The following NCKAP5 variants were observed in gnomAD, a reference collection of about 807,000 sequenced individuals.
NCKAP5 encodes NCK associated protein 5, also known as nck-associated protein 5.
NCKAP5 carries 92 observed loss-of-function variants against 167.0 expected under a neutral mutation model. The ratio of observed to expected loss-of-function variants is 0.55; its 90% CI spans 0.47 to 0.66. The LOEUF is 0.66. Among genes scored for constraint, NCKAP5 ranks in the 30% least tolerant of loss-of-function variants. The pLI is 0.00. For synonymous variants in NCKAP5, 891 were observed against 877.4 expected (o/e 1.02, Z -0.27); for missense variants, 2,378 against 2,315.0 (o/e 1.03, Z -0.56).
At chr2:132,834,165 A>T (rs1002175539) in intron 11 of NCKAP5, among the ~76,000 whole-genome samples, 4 of 152,096 alleles carry the variant, frequency 2.6e-5, no homozygotes, top group African/African-American at 9.7e-5. Flanking sequence ...AACAGAGATA[A>T]TTTGACTTCC....
chr2:133,075,190 G>T (rs372476515), intron 6 of NCKAP5, among the ~76,000 whole-genome samples: 56 of 152,268 alleles, frequency 3.7e-4, no homozygotes, highest in African/African-American at 1.3e-3. Context: ...AAGCATGGAG[G>T]TCAGAATAGT....
chr2:132,910,684 T>C (rs1033474934), intron 8 of NCKAP5, among the ~76,000 whole-genome samples: 2 of 152,212 alleles, frequency 1.3e-5, no homozygotes, highest in African/African-American at 4.8e-5. Context: ...GAACACTTAG[T>C]TTGCTCCCAA....
chr2:133,099,048 A>G (rs571554680), intron 6 of NCKAP5, among the ~76,000 whole-genome samples: 2 of 152,216 alleles, frequency 1.3e-5, no homozygotes, highest in Non-Finnish European at 2.9e-5. Context: ...CATTCATGGA[A>G]AATGACTTAT....
At chr2:132,867,535 G>T (rs1350757785) in intron 10 of NCKAP5, among the ~76,000 whole-genome samples, 1 of 152,134 alleles carries the variant, frequency 6.6e-6, no homozygotes, top group African/African-American at 2.4e-5. Context: ...ATGTATGAAA[G>T]CTTTTGGAAG....
intron 10 of NCKAP5, among the ~76,000 whole-genome samples, chr2:132,861,941 G>C (rs1235896531): frequency 6.6e-6 from 1 of 152,216 alleles, no homozygotes; most frequent in South Asian, 2.1e-4. Flanking sequence ...CACATAGTAG[G>C]AGCTTAATAA....
At chr2:133,662,024 T>C in the NCKAP5 span, among the ~76,000 whole-genome samples, 32 of 152,182 alleles carry the variant, frequency 2.1e-4, no homozygotes, top group African/African-American at 7.0e-4. Context: ...ATTTTCTAGT[T>C]TGAGATCTTG....
intron 8 of NCKAP5, among the ~76,000 whole-genome samples, chr2:132,948,519 A>T (rs960868946): frequency 1.1e-4 from 17 of 152,140 alleles, no homozygotes; most frequent in Non-Finnish European, 2.2e-4. Context: ...GTTAGAGAAA[A>T]CAGAAATCGG....
intron 6 of NCKAP5, among the ~76,000 whole-genome samples, chr2:133,112,553 C>G (rs2081953019): frequency 6.6e-6 from 1 of 152,140 alleles, no homozygotes; most frequent in Admixed American, 6.6e-5. Context: ...CACACACACC[C>G]TCCAATGTCT....
At chr2:133,410,368 C>T (rs1688700173) in intron 3 of NCKAP5, among the ~76,000 whole-genome samples, 1 of 152,174 alleles carries the variant, frequency 6.6e-6, no homozygotes, top group African/African-American at 2.4e-5. Context: ...GTTTTCATAG[C>T]CCCTGCTACA....
At chr2:133,609,356 A>G in the NCKAP5 span, among the ~76,000 whole-genome samples, 6 of 152,356 alleles carry the variant, frequency 3.9e-5, no homozygotes, top group East Asian at 1.2e-3. Flanking sequence ...GTCATATTTA[A>G]TTTGATATGT....
the NCKAP5 span, among the ~76,000 whole-genome samples, chr2:133,587,592 C>G: frequency 1.1e-4 from 16 of 152,158 alleles, no homozygotes; most frequent in Non-Finnish European, 2.1e-4. Context: ...AGAGAGCCAG[C>G]CAGTAGGAAA....
intron 5 of NCKAP5, among the ~76,000 whole-genome samples, chr2:133,203,746 C>A (rs758249083): frequency 6.6e-6 from 1 of 151,982 alleles, no homozygotes; most frequent in Admixed American, 6.6e-5. Flanking sequence ...GAGTGCTATA[C>A]AAAAAGAATA....
intron 3 of NCKAP5, among the ~76,000 whole-genome samples, chr2:133,358,417 A>G (rs1684881578): frequency 6.6e-6 from 1 of 152,162 alleles, no homozygotes; most frequent in South Asian, 2.1e-4. Context: ...CATCTCTAAC[A>G]ACAATAACAA....
rs148378533 is a variant in NCKAP5, at chr2:133,408,816, C to T, written c.70-105706G>A. ...GGCCCTGCCTCCACCTTGAGAACCTCGTGCCCCTGAACAGTAGTGGGGCTG... is the reference window on the plus strand; with the variant it reads ...GGCCCTGCCTCCACCTTGAGAACCTTGTGCCCCTGAACAGTAGTGGGGCTG... On this transcript the variant is annotated intron_variant, in intron 3 of 19. Coordinates refer to ENST00000409261, the MANE Select transcript of NCKAP5 (RefSeq NM_207363.3). Among the ~76,000 whole-genome samples, 33 of 152,252 alleles carry T rather than the reference C, an allele frequency of 2.2e-4. No homozygotes were observed. The East Asian group carries it at 4.4e-3, about 21-fold the overall frequency.
the NCKAP5 span, among the ~76,000 whole-genome samples, chr2:133,660,961 A>G: frequency 1.4e-4 from 22 of 152,270 alleles, no homozygotes; most frequent in African/African-American, 5.1e-4. Flanking sequence ...CTTGCAAAAA[A>G]AAAAAAAAAT....
At chr2:133,503,630 T>C (rs1273061658) in intron 3 of NCKAP5, among the ~76,000 whole-genome samples, 1 of 152,194 alleles carries the variant, frequency 6.6e-6, no homozygotes, top group African/African-American at 2.4e-5. Flanking sequence ...AAATATGCTT[T>C]CTGTAACAAC....
At chr2:133,145,677 G>T (rs552159497) in intron 5 of NCKAP5, among the ~76,000 whole-genome samples, 1 of 152,082 alleles carries the variant, frequency 6.6e-6, no homozygotes, top group East Asian at 1.9e-4. Flanking sequence ...TGTGCATGTA[G>T]TTCATATTTT....
At chr2:133,427,235 C>T (rs1351556742) in intron 3 of NCKAP5, among the ~76,000 whole-genome samples, 1 of 152,164 alleles carries the variant, frequency 6.6e-6, no homozygotes, top group Non-Finnish European at 1.5e-5. Flanking sequence ...AGATAACAGA[C>T]ATAAATGAGT....
intron 5 of NCKAP5, among the ~76,000 whole-genome samples, chr2:133,132,291 A>G (rs1286283936): frequency 2.0e-5 from 3 of 151,852 alleles, no homozygotes; most frequent in Non-Finnish European, 4.4e-5. Flanking sequence ...CATCTCAAAA[A>G]AAAAAAAAAG....
Sources: gnomAD v4.1 joint callset for allele counts (sites outside exome capture counted in the v4.1 genomes callset) on GRCh38, gnomAD v4.1.1 for gene constraint, MANE v1.5 for transcripts, NCBI Gene and HGNC (gene_info 2026-07-23, HGNC 2026-07-21) for gene names.